Variants in CHEK1 observed in about 807,000 individuals in gnomAD.
CHEK1 encodes checkpoint kinase 1.
Under a neutral mutation model 60.2 loss-of-function variants are expected in CHEK1, and 32 were observed. That is an observed-to-expected ratio of 0.53 (90% confidence interval 0.40 to 0.71). CHEK1 has a LOEUF of 0.71. Among genes scored for constraint, CHEK1 ranks in the 30% least tolerant of loss-of-function variants. The probability of loss-of-function intolerance (pLI) is 0.00; values close to 1 mark genes in which losing one functional copy is unlikely to be tolerated. For missense variants in CHEK1, 399 were observed against 564.6 expected (o/e 0.71, Z 2.97); for synonymous variants, 179 against 187.2 (o/e 0.96, Z 0.36).
Position 125,626,751 on chromosome 11 carries a change from G to T in CHEK1, c.-18G>T, listed in dbSNP as rs371037025. ...TTCTGGATTCCTGCCTTTTACAGCC[G>T]AGGTGCTCGGTGGAGTCATGGCAGT... On this transcript the variant is annotated splice_region_variant and 5_prime_UTR_variant, in exon 2 of 13. Transcript: ENST00000438015. 3 of 1,614,100 alleles carry T rather than the reference G, an allele frequency of 1.9e-6. No homozygotes were observed. Among genetic ancestry groups the T allele is most frequent in the African/African-American group, 1.3e-5 (1 of 75,024 alleles).
chr11:125,633,815 A>G (rs1940958093), intron 6 of CHEK1, among the ~76,000 whole-genome samples: 1 of 152,152 alleles, frequency 6.6e-6, no homozygotes. Context: ...ACAAAGTATC[A>G]TAGACTGCAT....
At chr11:125,646,752 T>C (rs1008686226) in intron 11 of CHEK1, among the ~76,000 whole-genome samples, 4 of 152,198 alleles carry the variant, frequency 2.6e-5, no homozygotes, top group Admixed American at 6.5e-5. Flanking sequence ...ATATGCTTAT[T>C]GGCCATTTCT....
At chr11:125,664,344 C>T (rs955501560) in intron 13 of CHEK1, among the ~76,000 whole-genome samples, 1 of 151,346 alleles carries the variant, frequency 6.6e-6, no homozygotes, top group African/African-American at 2.4e-5. Context: ...AGCAATTCTC[C>T]TACCTCAGCC....
chr11:125,652,687 CA>C (rs750522504), intron 11 of CHEK1, among the ~76,000 whole-genome samples: 40 of 152,114 alleles, frequency 2.6e-4, no homozygotes, highest in East Asian at 1.2e-3. Context: ...AGGTAGCCAG[CA>C]AATTTTTTTT....
chr11:125,625,490 A>C lies in CHEK1; in HGVS notation c.-543A>C, dbSNP rs1486873144. On this transcript the variant is annotated 5_prime_UTR_variant, in exon 1 of 13. Coordinates refer to ENST00000438015, the MANE Select transcript of CHEK1 (RefSeq NM_001114122.3). ...GTTTCTCGGCTCCAGCACCACGAGT[A>C]CCGCACTCTGAGGTTTACAAAGCAC... The C allele has an allele frequency of 3.7e-5, 15 of 404,072 alleles. No homozygotes were observed. Among genetic ancestry groups the C allele is most frequent in the Non-Finnish European group, 4.5e-6 (1 of 223,890 alleles). 25.0% of individuals were successfully genotyped at this position (404,072 alleles called of 1,614,324 possible).
At chr11:125,650,969 CAA>C (rs1318363158) in intron 11 of CHEK1, among the ~76,000 whole-genome samples, 1 of 152,094 alleles carries the variant, frequency 6.6e-6, no homozygotes, top group African/African-American at 2.4e-5. Flanking sequence ...GTGCAAAATG[CAA>C]AGTTAGGGCA....
intron 6 of CHEK1, among the ~76,000 whole-genome samples, chr11:125,633,602 A>G (rs1383294319): frequency 6.6e-6 from 1 of 152,250 alleles, no homozygotes; most frequent in African/African-American, 2.4e-5. Context: ...TGCCTGCCAC[A>G]AGACATCTGG....
chr11:125,646,389 G>T lies in CHEK1; in HGVS notation c.1233+1746G>T, dbSNP rs540868947. Among the ~76,000 whole-genome samples the T allele has an allele frequency of 2.1e-4, 32 of 152,184 alleles. No individual in the cohort carries two copies. The Middle Eastern group carries it at 0.014, about 65-fold the overall frequency. ...CATTCATCCACTCATGGACATTTGG[G>T]TTGTTTCTACTTTTTCATCATTATG... On this transcript the variant is annotated intron_variant, in intron 11 of 12. Transcript: ENST00000438015.
chr11:125,666,629 C>T (rs912505964), intron 13 of CHEK1, among the ~76,000 whole-genome samples: 1 of 152,100 alleles, frequency 6.6e-6, no homozygotes, highest in Non-Finnish European at 1.5e-5. Flanking sequence ...CAGTCGGTCT[C>T]TTCCTTTAGA....
Position 125,643,841 on chromosome 11 carries a change from T to A in CHEK1, c.864T>A (p.Ser288Arg). 1 of 1,614,174 alleles carries A rather than the reference T, an allele frequency of 6.2e-7. No individual in the cohort carries two copies. Among genetic ancestry groups the A allele is most frequent in the Non-Finnish European group, 8.5e-7 (1 of 1,180,016 alleles). ...VTSGGVSESP[S>R]GFSKHIQSNL... The stretch of plus-strand genomic sequence containing the variant: ...CAGGTGGTGTGTCAGAGTCTCCCAG[T>A]GGATTTTCTAAGCACATTCAATCCA... Residue 288 changes from serine to arginine, a missense_variant, in exon 9 of 13, where the codon AGT becomes AGA. By Grantham distance (110) the Ser-to-Arg change is moderately radical. Around this residue, in one of 2 missense-constraint regions of CHEK1, gnomAD observed 370 missense variants for 494.8 expected, o/e 0.75. Transcript: ENST00000438015.
intron 5 of CHEK1, 82 bp downstream of exon 5, chr11:125,629,542 A>G: frequency 9.7e-7 from 1 of 1,027,936 alleles, no homozygotes; most frequent in South Asian, 1.8e-5. Flanking sequence ...ATTTTAATAT[A>G]GCCATACAAG....
chr11:125,648,111 C>CTT lies in CHEK1; in HGVS notation c.1233+3478_1233+3479dup, dbSNP rs34956393. ...TAGGTTAAATGTAATCCTGTTTATT[C>CTT]TTTTTTTTTTTATCCTGATGCTGAT... On this transcript the variant is annotated intron_variant, in intron 11 of 12. Coordinates refer to ENST00000438015, the MANE Select transcript of CHEK1 (RefSeq NM_001114122.3). Among the ~76,000 whole-genome samples the CTT allele has an allele frequency of 2.5e-3, 362 of 146,350 alleles. 5 individuals are homozygous for CTT. Among genetic ancestry groups the CTT allele is most frequent in the South Asian group, 0.022 (104 of 4,696 alleles).
At chr11:125,626,569 C>A in intron 1 of CHEK1, 180 bp from the exon 2 acceptor site, 1 of 586,878 alleles carries the variant, frequency 1.7e-6, no homozygotes, top group Non-Finnish European at 3.0e-6. Context: ...ATTTACACGA[C>A]AAAATGGTCA....
intron 13 of CHEK1, among the ~76,000 whole-genome samples, chr11:125,668,735 T>A (rs968311922): frequency 6.6e-6 from 1 of 151,944 alleles, no homozygotes; most frequent in East Asian, 1.9e-4. Flanking sequence ...TAAAAAATAG[T>A]TTTTAGAGAG....
intron 11 of CHEK1, among the ~76,000 whole-genome samples, chr11:125,650,682 G>T (rs1307626030): frequency 6.6e-6 from 1 of 152,038 alleles, no homozygotes; most frequent in African/African-American, 2.4e-5. Flanking sequence ...TCGAACTCCT[G>T]ACCTCAGGTG....
At chr11:125,634,054 G>A (rs1336240258) in intron 6 of CHEK1, among the ~76,000 whole-genome samples, 1 of 141,714 alleles carries the variant, frequency 7.1e-6, no homozygotes, top group African/African-American at 2.6e-5. Context: ...CTGGAGTACA[G>A]TGATGTGATC....
intron 13 of CHEK1, among the ~76,000 whole-genome samples, chr11:125,667,657 G>A (rs1210348436): frequency 6.6e-6 from 1 of 152,100 alleles, no homozygotes; most frequent in African/African-American, 2.4e-5. Context: ...GTCTTGCTCT[G>A]TCACCCAGGC....
chr11:125,644,240 A>G lies in CHEK1; in HGVS notation c.1073A>G (p.Gln358Arg). The change falls in exon 10 of 13, where the codon CAG (glutamine) becomes CGG (arginine). Residue 358 changes from glutamine to arginine, a missense_variant. Physicochemically the swap from Gln to Arg is conservative, Grantham distance 43. Coordinates refer to ENST00000438015, the MANE Select transcript of CHEK1 (RefSeq NM_001114122.3). The stretch of plus-strand genomic sequence containing the variant: ...CCTGATCATATGCTTTTGAATAGTC[A>G]GTTACTTGGCACCCCAGGATCCTCA... ...TCPDHMLLNS[Q>R]LLGTPGSSQN... 6.2e-7 allele frequency: 1 copy of G among 1,613,496 alleles called. No individual in the cohort carries two copies. The highest frequency in any genetic ancestry group is 8.5e-7 in the Non-Finnish European group (1 of 1,179,872).
chr11:125,645,125 T>C (rs1210662161), intron 11 of CHEK1, among the ~76,000 whole-genome samples: 4 of 152,224 alleles, frequency 2.6e-5, no homozygotes, highest in Non-Finnish European at 5.9e-5. Context: ...TTTTATTTTT[T>C]AATTTTTAAT....
Sources: gnomAD v4.1 joint callset for allele counts (sites outside exome capture counted in the v4.1 genomes callset) on GRCh38, gnomAD v4.1.1 for gene constraint, gnomAD v4.1.1 regional missense constraint, MANE v1.5 for transcripts, NCBI Gene and HGNC (gene_info 2026-07-23, HGNC 2026-07-21) for gene names.